The following GNB4 variants were observed in gnomAD, a reference collection of about 807,000 sequenced individuals.
The protein encoded by GNB4 is G protein subunit beta 4.
A neutral mutation model predicts 45.2 loss-of-function variants in GNB4; 28 were observed. The ratio of observed to expected loss-of-function variants is 0.62; its 90% confidence interval spans 0.46 to 0.85. The LOEUF is 0.85. Ranked by LOEUF, GNB4 falls within the 40% of genes least tolerant of loss-of-function variation. The pLI, the probability that GNB4 is intolerant of heterozygous loss-of-function variation, is 0.00. For synonymous variants in GNB4, 132 were observed against 143.7 expected (o/e 0.92, Z 0.58); for missense variants, 321 against 425.4 (o/e 0.75, Z 2.16).
the GNB4 span, among the ~76,000 whole-genome samples, chr3:179,489,019 A>AAT: frequency 0.13 from 2,674 of 21,354 alleles, 255 homozygotes; most frequent in Non-Finnish European, 0.16. Context: ...AAAAAAAAAA[A>AAT]ATATATATAT....
At position 179,418,195 on chromosome 3, in the gene GNB4, C is replaced by T. The variant is rs192135474; in HGVS notation, c.203+1204G>A. Among the ~76,000 whole-genome samples, 15 of 152,154 alleles carry T rather than the reference C, an allele frequency of 9.9e-5. No individual in the cohort carries two copies. In the East Asian group the frequency reaches 2.3e-3, roughly 23 times the overall value. The stretch of plus-strand genomic sequence containing the variant: ...AAAGAATAAGACATTCGGCCAGGCG[C>T]GGTGGCTCACACCTGATTAATCCCA... On this transcript the variant is annotated intron_variant, in intron 4 of 9. Coordinates refer to ENST00000232564, the MANE Select transcript of GNB4 (RefSeq NM_021629.4).
chr3:179,484,648 G>A, the GNB4 span, among the ~76,000 whole-genome samples: 4 of 151,362 alleles, frequency 2.6e-5, no homozygotes, highest in Non-Finnish European at 4.4e-5. Context: ...GTTTTTAAAT[G>A]GCCCTTAGGC....
At chr3:179,524,309 T>TC in the GNB4 span, among the ~76,000 whole-genome samples, 1 of 152,098 alleles carries the variant, frequency 6.6e-6, no homozygotes, top group Admixed American at 6.5e-5. Context: ...TCCAGTGGGG[T>TC]CCCACACAGA....
chr3:179,527,000 C>T, the GNB4 span, among the ~76,000 whole-genome samples: 1 of 152,274 alleles, frequency 6.6e-6, no homozygotes, highest in African/African-American at 2.4e-5. Context: ...AACTGCTCCC[C>T]AACCCCAGGA....
the GNB4 span, among the ~76,000 whole-genome samples, chr3:179,477,634 G>A: frequency 6.6e-6 from 1 of 152,130 alleles, no homozygotes; most frequent in East Asian, 1.9e-4. Context: ...CATTTTGGGA[G>A]GCCAAGAGGG....
At chr3:179,500,016 C>T in the GNB4 span, among the ~76,000 whole-genome samples, 10 of 152,304 alleles carry the variant, frequency 6.6e-5, no homozygotes, top group African/African-American at 2.4e-4. Context: ...AAAAAATTTT[C>T]TCCCATTCTG....
intron 9 of GNB4, among the ~76,000 whole-genome samples, chr3:179,401,884 A>G (rs1714313486): frequency 1.3e-5 from 2 of 152,238 alleles, no homozygotes; most frequent in Admixed American, 6.5e-5. Flanking sequence ...AAACTCATCT[A>G]GTTTTCATTT....
chr3:179,453,043 C>T (rs1715923505), upstream of GNB4, among the ~76,000 whole-genome samples: 2 of 152,172 alleles, frequency 1.3e-5, no homozygotes, highest in African/African-American at 4.8e-5. Flanking sequence ...CAAACTGATG[C>T]CCTGGTAAGA....
In GNB4 at chr3:179,398,000, A is replaced by AT. The variant is rs1714172542; in HGVS notation, c.*3212dup. The AT allele has an allele frequency of 6.6e-6, 1 of 151,448 alleles. No homozygotes were observed. The allele number at this position is 151,448 out of a possible 1,614,324, so 9.4% of individuals were successfully genotyped here. ...TGCCTCGGCCTCCCAAAGTGCTGGGATTACAGGTGTGAGCCACCATGCCTG... is the reference window on the plus strand; with the variant it reads ...TGCCTCGGCCTCCCAAAGTGCTGGGATTTACAGGTGTGAGCCACCATGCCTG... On this transcript the variant is annotated 3_prime_UTR_variant, in exon 10 of 10. Transcript: ENST00000232564.
upstream of GNB4, among the ~76,000 whole-genome samples, chr3:179,455,374 G>A (rs1270339784): frequency 6.6e-6 from 1 of 152,166 alleles, no homozygotes; most frequent in African/African-American, 2.4e-5. Context: ...CAGAAGACTT[G>A]ATTTAGAGCT....
Position 179,414,865 on chromosome 3 carries a change from G to T in GNB4, c.430+20C>A. On this transcript the variant is annotated intron_variant, in intron 6 of 9. Coordinates refer to ENST00000232564, the MANE Select transcript of GNB4 (RefSeq NM_021629.4). ...ACACAAGGAATCGTGTGGTGGGAAA[G>T]AATATTTAGGGAAGCTCACCTGTGT... 5 of 1,547,852 alleles carry T rather than the reference G, an allele frequency of 3.2e-6. No homozygotes were observed. The highest frequency in any genetic ancestry group is 4.4e-6 in the Non-Finnish European group (5 of 1,133,920).
At chr3:179,499,867 CATAA>C in the GNB4 span, among the ~76,000 whole-genome samples, 7 of 152,306 alleles carry the variant, frequency 4.6e-5, no homozygotes, top group African/African-American at 1.7e-4. Flanking sequence ...TTGTTGGCTG[CATAA>C]ATGTCTTCTT....
chr3:179,521,690 T>G, the GNB4 span, among the ~76,000 whole-genome samples: 1 of 152,168 alleles, frequency 6.6e-6, no homozygotes, highest in African/African-American at 2.4e-5. Flanking sequence ...AAATAAATAA[T>G]CTTTGCTGGC....
chr3:179,409,468 C>T (rs1194988570), intron 8 of GNB4, among the ~76,000 whole-genome samples: 3 of 149,374 alleles, frequency 2.0e-5, no homozygotes, highest in Non-Finnish European at 4.4e-5. Context: ...GCCAACATCA[C>T]GCCATTGCAC....
chr3:179,440,114 C>T (rs557947414), intron 1 of GNB4, among the ~76,000 whole-genome samples: 315 of 152,266 alleles, frequency 2.1e-3, no homozygotes, highest in African/African-American at 7.1e-3. Context: ...AATATTTGTA[C>T]ACAGAAATCA....
rs1322199845 is a variant in GNB4, at chr3:179,413,464, C to T, written c.647G>A (p.Gly216Glu). 6.2e-7 allele frequency: 1 copy of T among 1,614,112 alleles called. No homozygotes were observed. The highest frequency in any genetic ancestry group is 1.3e-5 in the African/African-American group (1 of 75,052). The stretch of plus-strand genomic sequence containing the variant: ...TCCCGTGAAAGACTGTCTACACATT[C>T]CATCTCGAATATCCCATAATTTGGA... ...ASSKLWDIRD[G>E]MCRQSFTGHV... Residue 216 changes from glycine (G) to glutamate (E), a missense_variant, in exon 8 of 10, where the codon GGA becomes GAA. Coordinates refer to ENST00000232564, the MANE Select transcript of GNB4 (RefSeq NM_021629.4).
At chr3:179,518,017 C>T in the GNB4 span, among the ~76,000 whole-genome samples, 1 of 151,582 alleles carries the variant, frequency 6.6e-6, no homozygotes, top group Non-Finnish European at 1.5e-5. Flanking sequence ...TCCTGGGGGG[C>T]AAGCACCCCC....
rs1714229711 is a variant in GNB4 at position 179,399,743 on chromosome 3, A to G, written c.*1470T>C. The G allele has an allele frequency of 6.6e-6, 1 of 152,250 alleles. No homozygotes were observed. The highest frequency in any genetic ancestry group is 2.4e-5 in the African/African-American group (1 of 41,474). The allele number at this position is 152,250 out of a possible 1,614,324, so 9.4% of individuals were successfully genotyped here. On this transcript the variant is annotated 3_prime_UTR_variant, in exon 10 of 10. Transcript: ENST00000232564. Reference sequence around the variant, plus strand: ...TATTTAGGTTAAGTTACACATGTTCAAAAGTTAACACAGACCTATCTGAAA... The same window carrying G: ...TATTTAGGTTAAGTTACACATGTTCGAAAGTTAACACAGACCTATCTGAAA...
chr3:179,459,092 G>T, the GNB4 span, among the ~76,000 whole-genome samples: 1 of 152,330 alleles, frequency 6.6e-6, no homozygotes, highest in African/African-American at 2.4e-5. Flanking sequence ...TAGGCTCAGA[G>T]AATTGAGCAT....
Sources: gnomAD v4.1 joint callset for allele counts (sites outside exome capture counted in the v4.1 genomes callset) on GRCh38, gnomAD v4.1.1 for gene constraint, MANE v1.5 for transcripts, NCBI Gene and HGNC (gene_info 2026-07-23, HGNC 2026-07-21) for gene names.